Variants in ENOX1 observed in about 807,000 individuals in gnomAD.
ENOX1 encodes ecto-NOX disulfide-thiol exchanger 1.
ENOX1 carries 42 observed loss-of-function variants against 82.5 expected under a neutral mutation model. The ratio of observed to expected loss-of-function variants is 0.51; its 90% CI spans 0.40 to 0.66. The LOEUF is 0.66. Among genes scored for constraint, ENOX1 ranks in the 30% least tolerant of loss-of-function variants. The pLI is 0.00. For synonymous variants in ENOX1, 271 were observed against 282.2 expected (o/e 0.96, Z 0.40); for missense variants, 608 against 811.6 (o/e 0.75, Z 3.05).
chr13:43,369,618 G>T (rs1160624642), intron 5 of ENOX1, among the ~76,000 whole-genome samples: 5 of 152,208 alleles, frequency 3.3e-5, no homozygotes, highest in Non-Finnish European at 7.3e-5. Flanking sequence ...CAACTTTGAA[G>T]TTGACATTTT....
chr13:43,487,234 A>G (rs1450478822), intron 2 of ENOX1, among the ~76,000 whole-genome samples: 2 of 152,092 alleles, frequency 1.3e-5, no homozygotes, highest in South Asian at 4.1e-4. Context: ...CATGGGTGGT[A>G]TCAGTGATGG....
chr13:43,593,490 AAAG>A (rs59193919), intron 2 of ENOX1, among the ~76,000 whole-genome samples: 48,933 of 78,806 alleles, frequency 0.62, 10,673 homozygotes, highest in East Asian at 0.79. Flanking sequence ...AAAACAAAAC[AAAG>A]AAGCCCTTCG....
At position 43,449,458 on chromosome 13, in the gene ENOX1, A is replaced by G. The variant is rs531155129; in HGVS notation, c.-75+34551T>C. Among the ~76,000 whole-genome samples, 12 of 152,334 alleles carry G rather than the reference A, an allele frequency of 7.9e-5. No homozygotes were observed. The East Asian group carries it at 2.1e-3, about 27-fold the overall frequency. ...CAGTTTCTTTTTAAGGTAATAATAA[A>G]TGGGCGTATTTCTTATGGAAACAAA... On this transcript the variant is annotated intron_variant, in intron 3 of 16. Coordinates refer to ENST00000690772, the MANE Select transcript of ENOX1 (RefSeq NM_001347969.2).
intron 2 of ENOX1, chr13:43,547,365 A>G (rs1378635559): frequency 6.6e-6 from 1 of 152,242 alleles, no homozygotes; most frequent in Non-Finnish European, 1.5e-5. Flanking sequence ...AATAGTTTCA[A>G]ACAGAGAGCC....
intron 2 of ENOX1, among the ~76,000 whole-genome samples, chr13:43,557,770 A>C: frequency 6.6e-6 from 1 of 152,148 alleles, no homozygotes; most frequent in African/African-American, 2.4e-5. Flanking sequence ...TGCCCTTCAG[A>C]CTGGGTGACA....
At chr13:43,735,579 G>C (rs1214428569) in intron 1 of ENOX1, among the ~76,000 whole-genome samples, 1 of 152,060 alleles carries the variant, frequency 6.6e-6, no homozygotes, top group Admixed American at 6.5e-5. Flanking sequence ...AAATTAGCTG[G>C]GCCTGGCAGC....
chr13:43,308,407 G>A lies in ENOX1; in HGVS notation c.1262-9877C>T, dbSNP rs950275004. Reference sequence around the variant, plus strand: ...ACATTACTTTACCTCACCTCAACCCGTTTTGTCCTTCTTTCCCACCTAATA... The same window carrying A: ...ACATTACTTTACCTCACCTCAACCCATTTTGTCCTTCTTTCCCACCTAATA... On this transcript the variant is annotated intron_variant, in intron 11 of 16. Coordinates refer to ENST00000690772, the MANE Select transcript of ENOX1 (RefSeq NM_001347969.2). Among the ~76,000 whole-genome samples the A allele has an allele frequency of 5.3e-5, 8 of 152,002 alleles. No homozygotes were observed. In the South Asian group the frequency reaches 6.3e-4, roughly 12 times the overall value.
intron 5 of ENOX1, among the ~76,000 whole-genome samples, chr13:43,385,176 TTATC>T (rs1286143854): frequency 4.6e-5 from 7 of 152,162 alleles, no homozygotes; most frequent in Admixed American, 2.0e-4. Flanking sequence ...TAAAAAGTAA[TTATC>T]TATAAGCAGG....
chr13:43,343,977 T>C, intron 9 of ENOX1, among the ~76,000 whole-genome samples: 1 of 151,922 alleles, frequency 6.6e-6, no homozygotes, highest in East Asian at 1.9e-4. Context: ...AAAAAAAAAA[T>C]CACTGGCATT....
chr13:43,709,234 T>A (rs1034482070), intron 1 of ENOX1, among the ~76,000 whole-genome samples: 1 of 151,988 alleles, frequency 6.6e-6, no homozygotes, highest in Non-Finnish European at 1.5e-5. Flanking sequence ...ACCACAAATA[T>A]TGATGAGGTA....
intron 1 of ENOX1, among the ~76,000 whole-genome samples, chr13:43,773,997 A>G (rs563921555): frequency 5.4e-4 from 83 of 152,368 alleles, no homozygotes; most frequent in African/African-American, 1.9e-3. Context: ...TCTAAAATTC[A>G]TAATAACTAG....
chr13:43,511,542 C>T (rs142181274), intron 2 of ENOX1, among the ~76,000 whole-genome samples: 1 of 152,252 alleles, frequency 6.6e-6, no homozygotes, highest in African/African-American at 2.4e-5. Context: ...TGAAACAACA[C>T]ACCACCTCTC....
chr13:43,754,346 A>T (rs117535902), intron 1 of ENOX1, among the ~76,000 whole-genome samples: 14,816 of 145,072 alleles, frequency 0.1, 1,328 homozygotes, highest in African/African-American at 0.24. Context: ...TATTATTATT[A>T]TTATTTATTT....
chr13:43,670,917 A>G (rs2085236412), intron 1 of ENOX1, among the ~76,000 whole-genome samples: 1 of 152,082 alleles, frequency 6.6e-6, no homozygotes, highest in Non-Finnish European at 1.5e-5. Flanking sequence ...ATCACACAAT[A>G]ATGCATTTTG....
chr13:43,307,958 T>C (rs1161761154), intron 11 of ENOX1, among the ~76,000 whole-genome samples: 1 of 152,196 alleles, frequency 6.6e-6, no homozygotes, highest in Admixed American at 6.5e-5. Context: ...CCCTCCCATG[T>C]ACACATGCTT....
chr13:43,772,828 G>C lies in ENOX1; in HGVS notation c.-285+13824C>G, dbSNP rs1369616970. Among the ~76,000 whole-genome samples, 4 of 148,870 alleles carry C rather than the reference G, an allele frequency of 2.7e-5. No homozygotes were observed. The East Asian group carries it at 7.9e-4, about 30-fold the overall frequency. ...GGTTCTCAAACTTCAGTTCCAACAA[G>C]AATCCTTTATGGACTATCTTCAGCG... is the stretch of plus-strand genomic sequence containing the variant. On this transcript the variant is annotated intron_variant, in intron 1 of 16. Transcript: ENST00000690772.
At chr13:43,355,432 C>T (rs1165549277) in intron 8 of ENOX1, among the ~76,000 whole-genome samples, 1 of 152,170 alleles carries the variant, frequency 6.6e-6, no homozygotes, top group Non-Finnish European at 1.5e-5. Flanking sequence ...CCTCGATGGA[C>T]CCTAGTACCA....
intron 1 of ENOX1, among the ~76,000 whole-genome samples, chr13:43,676,777 T>C (rs2085532612): frequency 6.6e-6 from 1 of 152,196 alleles, no homozygotes; most frequent in African/African-American, 2.4e-5. Flanking sequence ...TTGAGATAGC[T>C]GGTCCGTTGC....
chr13:43,716,525 T>C (rs1321226306), intron 1 of ENOX1, among the ~76,000 whole-genome samples: 1 of 152,192 alleles, frequency 6.6e-6, no homozygotes, highest in African/African-American at 2.4e-5. Flanking sequence ...AAGGAAGTCC[T>C]GGACAGAGCA....
Sources: allele counts gnomAD v4.1 joint callset (sites outside exome capture counted in the v4.1 genomes callset), GRCh38; gene constraint gnomAD v4.1.1; transcripts MANE v1.5; gene names NCBI Gene and HGNC (gene_info 2026-07-23, HGNC 2026-07-21).